Variants in TNRC6A observed in about 807,000 individuals in gnomAD.
TNRC6A encodes trinucleotide repeat-containing gene 6A protein.
Under a neutral mutation model 221.2 loss-of-function variants are expected in TNRC6A, and 44 were observed. That is an observed-to-expected ratio of 0.20 (90% CI 0.16 to 0.26). TNRC6A has a LOEUF of 0.26. Ranked by LOEUF, TNRC6A falls within the 10% of genes least tolerant of loss-of-function variation. The probability of loss-of-function intolerance (pLI) is 1.00; values close to 1 mark genes in which losing one functional copy is unlikely to be tolerated. For missense variants in TNRC6A, 2,199 were observed against 2,404.4 expected, an observed-to-expected ratio of 0.91 and a Z score of 1.79; for synonymous variants, 847 against 838.5, an observed-to-expected ratio of 1.01 and a Z score of -0.18.
chr16:24,765,955 T>C (rs2057463470), intron 4 of TNRC6A, among the ~76,000 whole-genome samples: 1 of 152,190 alleles, frequency 6.6e-6, no homozygotes, highest in Non-Finnish European at 1.5e-5. Flanking sequence ...CAAACGTAGA[T>C]TTGTTGCTTT....
chr16:24,787,000 A>G (rs1048714547), intron 5 of TNRC6A, among the ~76,000 whole-genome samples: 4 of 152,124 alleles, frequency 2.6e-5, no homozygotes, highest in African/African-American at 7.2e-5. Context: ...TACTGTTTCT[A>G]CTTTAGAGAT....
chr16:24,656,148 AAAAAAAAAG>A (rs1219740630), intron 2 of TNRC6A, among the ~76,000 whole-genome samples: 2 of 150,742 alleles, frequency 1.3e-5, no homozygotes, highest in Non-Finnish European at 3.0e-5. Flanking sequence ...TCTCAAAAAA[AAAAAAAAAG>A]AAAAGAAAAG....
At chr16:24,808,462 T>C (rs559301426) in intron 17 of TNRC6A, among the ~76,000 whole-genome samples, 325 of 152,360 alleles carry the variant, frequency 2.1e-3, no homozygotes, top group African/African-American at 7.4e-3. Context: ...GCTTTCGTGC[T>C]GCACCAGCAG....
chr16:24,733,627 A>G (rs937541237), intron 2 of TNRC6A, among the ~76,000 whole-genome samples: 1 of 152,240 alleles, frequency 6.6e-6, no homozygotes, highest in African/African-American at 2.4e-5. Context: ...AGATTTTGAT[A>G]TTGCAGTGGG....
intron 2 of TNRC6A, among the ~76,000 whole-genome samples, chr16:24,693,452 T>G (rs1013560148): frequency 6.6e-6 from 1 of 151,920 alleles, no homozygotes; most frequent in Non-Finnish European, 1.5e-5. Flanking sequence ...CCCAGCATGG[T>G]GGTTGCACAC....
chr16:24,815,184 A>G lies in TNRC6A; in HGVS notation c.4710A>G (p.Pro1570=), dbSNP rs957906766. 3.7e-6 allele frequency: 6 copies of G among 1,614,180 alleles called. No homozygotes were observed. The highest frequency in any genetic ancestry group is 1.1e-5 in the South Asian group (1 of 91,084). Reference sequence around the variant, plus strand: ...GTGGTTTCAGGCTGGAAGAGTCTCCATTTGTTCCCTATGACTTTATGAACA... The same window carrying G: ...GTGGTTTCAGGCTGGAAGAGTCTCCGTTTGTTCCCTATGACTTTATGAACA... ...ISSGFRLEES[P]FVPYDFMNSS... is the part of the protein sequence containing the mutation. The change falls in exon 19 of 25, where the codon CCA becomes CCG. Residue 1570 remains proline (P), a synonymous_variant. Coordinates refer to ENST00000395799, the MANE Select transcript of TNRC6A (RefSeq NM_014494.4).
intron 1 of TNRC6A, among the ~76,000 whole-genome samples, chr16:24,615,625 G>A: frequency 6.6e-6 from 1 of 152,210 alleles, no homozygotes; most frequent in East Asian, 1.9e-4. Flanking sequence ...TGGGTTGAAT[G>A]TTGCTGAGAC....
At chr16:24,783,381 G>A (rs942743164) in intron 5 of TNRC6A, among the ~76,000 whole-genome samples, 3 of 151,964 alleles carry the variant, frequency 2.0e-5, no homozygotes, top group Non-Finnish European at 4.4e-5. Flanking sequence ...TGCCCACCTC[G>A]GCCTCCCAAA....
At chr16:24,634,452 A>T (rs1284820206) in intron 1 of TNRC6A, among the ~76,000 whole-genome samples, 2 of 152,126 alleles carry the variant, frequency 1.3e-5, no homozygotes, top group African/African-American at 4.8e-5. Flanking sequence ...AAATAAATGC[A>T]CATTGAATAT....
chr16:24,683,833 A>T (rs890272590), intron 2 of TNRC6A, among the ~76,000 whole-genome samples: 7 of 152,136 alleles, frequency 4.6e-5, no homozygotes, highest in African/African-American at 1.7e-4. Context: ...GTATAAAGGT[A>T]TTATAGGCAT....
intron 2 of TNRC6A, among the ~76,000 whole-genome samples, chr16:24,659,566 C>T (rs2054986288): frequency 6.6e-6 from 1 of 152,138 alleles, no homozygotes; most frequent in Non-Finnish European, 1.5e-5. Flanking sequence ...CTTCAGCCTC[C>T]CAAGTAGCTG....
chr16:24,619,943 A>G (rs1900577568), intron 1 of TNRC6A, among the ~76,000 whole-genome samples: 1 of 152,118 alleles, frequency 6.6e-6, no homozygotes, highest in Admixed American at 6.6e-5. Context: ...GGAGTTTGAG[A>G]CCAGCCTGGG....
chr16:24,645,834 CAAAAAAAAAAAAA>C (rs36106864), intron 2 of TNRC6A, among the ~76,000 whole-genome samples: 96 of 26,648 alleles, frequency 3.6e-3, no homozygotes, highest in Middle Eastern at 0.062. Flanking sequence ...CCTGTATCTA[CAAAAAAAAAAAAA>C]AAAAAAAAAA....
At position 24,729,693 on chromosome 16, in the gene TNRC6A, G is replaced by GCGA; in HGVS notation, c.-147_-146insACG. ...TGCGGCGGCGGCGGTGTCGGCGGCG[G>GCGA]CGGCGGCGGCGGCGGCGGCGGCGGC... On this transcript the variant is annotated 5_prime_UTR_variant, in exon 1 of 25. Coordinates refer to ENST00000395799, the MANE Select transcript of TNRC6A (RefSeq NM_014494.4). The GCGA allele has an allele frequency of 1.3e-5, 11 of 843,350 alleles. No individual in the cohort carries two copies. The highest frequency in any genetic ancestry group is 1.8e-5 in the Non-Finnish European group (11 of 628,248). The allele number at this position is 843,350 out of a possible 1,614,324, so 52.2% of individuals were successfully genotyped here.
chr16:24,669,711 T>A (rs2055249817), intron 2 of TNRC6A, among the ~76,000 whole-genome samples: 1 of 152,070 alleles, frequency 6.6e-6, no homozygotes, highest in South Asian at 2.1e-4. Context: ...TTCATCATCC[T>A]GTCCTCAGCT....
intron 18 of TNRC6A, among the ~76,000 whole-genome samples, chr16:24,809,887 C>A (rs996795333): frequency 1.3e-5 from 2 of 152,188 alleles, no homozygotes; most frequent in African/African-American, 4.8e-5. Context: ...GATCTCAGCT[C>A]ACTGAAAACT....
intron 1 of TNRC6A, among the ~76,000 whole-genome samples, chr16:24,635,126 T>TTTCC (rs1567313766): frequency 6.9e-6 from 1 of 145,280 alleles, no homozygotes; most frequent in South Asian, 2.2e-4. Flanking sequence ...TTTTCTTTCT[T>TTTCC]TTTCTTTCTT....
chr16:24,766,140 A>G (rs2057466820), intron 4 of TNRC6A, among the ~76,000 whole-genome samples: 1 of 152,196 alleles, frequency 6.6e-6, no homozygotes, highest in South Asian at 2.1e-4. Flanking sequence ...TTTTGCCCTT[A>G]TAATTAAGAT....
chr16:24,625,367 A>G (rs913015118), intron 1 of TNRC6A, among the ~76,000 whole-genome samples: 1 of 152,168 alleles, frequency 6.6e-6, no homozygotes. Context: ...TAATCCCAGC[A>G]CTTTGGGAGG....
Sources: allele counts gnomAD v4.1 joint callset (sites outside exome capture counted in the v4.1 genomes callset), GRCh38; gene constraint gnomAD v4.1.1; transcripts MANE v1.5; gene names NCBI Gene and HGNC (gene_info 2026-07-23, HGNC 2026-07-21).